The following RBFOX1 variants were observed in gnomAD, a reference collection of about 807,000 sequenced individuals.
RBFOX1 encodes RNA binding fox-1 homolog 1.
In RBFOX1, 8 loss-of-function variants were observed where a neutral mutation model predicts 57.7. That is an observed-to-expected ratio of 0.14 (90% CI 0.08 to 0.25). The LOEUF is 0.25. RBFOX1 is among the 10% of genes least tolerant of loss of function. RBFOX1 has a pLI of 1.00. For missense variants in RBFOX1, 611 were observed against 548.5 expected (o/e 1.11, Z -1.14); for synonymous variants, 326 against 222.4 (o/e 1.47, Z -4.15).
At chr16:6,837,226 C>T (rs1159442778) in intron 3 of RBFOX1, among the ~76,000 whole-genome samples, 2 of 152,106 alleles carry the variant, frequency 1.3e-5, no homozygotes, top group Non-Finnish European at 2.9e-5. Context: ...TGTGGATCTC[C>T]GTGTTTTAAC....
chr16:6,374,134 G>C lies in RBFOX1; in HGVS notation c.-64+57077G>C, dbSNP rs980860471. ...ATGCTGTATTAGTTTCTTCAACACT[G>C]AGTGTGGACTTGATTCATTGTCTCT... On this transcript the variant is annotated intron_variant, in intron 2 of 15. Coordinates refer to ENST00000550418, the MANE Select transcript of RBFOX1 (RefSeq NM_018723.4). 3.3e-5 allele frequency among the ~76,000 whole-genome samples: 5 copies of C among 152,186 alleles called. No individual in the cohort carries two copies. The South Asian group carries it at 1.0e-3, about 32-fold the overall frequency.
At chr16:5,680,573 G>C (rs958632094) in intron 3 of RBFOX1, among the ~76,000 whole-genome samples, 1 of 152,204 alleles carries the variant, frequency 6.6e-6, no homozygotes. Context: ...TCAGTAGACA[G>C]ACCTGTTGGA....
At chr16:7,069,368 A>AG (rs2056845081) in intron 4 of RBFOX1, among the ~76,000 whole-genome samples, 1 of 151,948 alleles carries the variant, frequency 6.6e-6, no homozygotes, top group Non-Finnish European at 1.5e-5. Flanking sequence ...CTCCCCAAAG[A>AG]GGCCCGGTGT....
At chr16:7,148,633 A>G (rs1158133132) in intron 4 of RBFOX1, among the ~76,000 whole-genome samples, 1 of 152,192 alleles carries the variant, frequency 6.6e-6, no homozygotes, top group East Asian at 1.9e-4. Flanking sequence ...TACTTGTGAT[A>G]AATTCCAGTT....
intron 1 of RBFOX1, among the ~76,000 whole-genome samples, chr16:6,283,114 C>T (rs1416789299): frequency 2.0e-5 from 3 of 152,128 alleles, no homozygotes; most frequent in African/African-American, 7.2e-5. Context: ...ATCACTTGAG[C>T]TCAGGAGTGG....
intron 2 of RBFOX1, among the ~76,000 whole-genome samples, chr16:6,412,309 T>C (rs1394621655): frequency 2.6e-5 from 4 of 152,184 alleles, no homozygotes; most frequent in Admixed American, 1.3e-4. Flanking sequence ...AAAGCTTTCA[T>C]GAACTCTTTC....
At position 7,711,625 on chromosome 16, in the gene RBFOX1, AG is replaced by A. The variant is rs2084015327; in HGVS notation, c.*881del. On this transcript the variant is annotated 3_prime_UTR_variant, in exon 16 of 16. Transcript: ENST00000550418. The stretch of plus-strand genomic sequence containing the variant: ...TTTTTCTTTTTTTCCAAAAAAAGAA[AG>A]TAATAAAAACTTAAATTCTTTGTAC... The A allele has an allele frequency of 6.6e-6, 1 of 152,616 alleles. No homozygotes were observed. The highest frequency in any genetic ancestry group is 1.5e-5 in the Non-Finnish European group (1 of 68,038). The allele number at this position is 152,616 out of a possible 1,614,324, so 9.5% of individuals were successfully genotyped here.
chr16:5,962,439 T>TA (rs1004047464), intron 4 of RBFOX1, among the ~76,000 whole-genome samples: 3 of 152,192 alleles, frequency 2.0e-5, no homozygotes, highest in African/African-American at 7.2e-5. Context: ...CATTTTCTGC[T>TA]AAAAAATGCC....
intron 3 of RBFOX1, among the ~76,000 whole-genome samples, chr16:7,022,725 AACG>A (rs1312402985): frequency 5.9e-5 from 9 of 152,204 alleles, no homozygotes; most frequent in Non-Finnish European, 1.3e-4. Flanking sequence ...AATGAGGAAA[AACG>A]AAGTCTTAGT....
At chr16:6,076,812 G>T (rs2095908927) in intron 1 of RBFOX1, among the ~76,000 whole-genome samples, 1 of 152,132 alleles carries the variant, frequency 6.6e-6, no homozygotes, top group South Asian at 2.1e-4. Flanking sequence ...CTTGGTAAAG[G>T]TACAAAAAGC....
At chr16:6,604,739 A>G (rs1447750453) in intron 2 of RBFOX1, among the ~76,000 whole-genome samples, 1 of 152,218 alleles carries the variant, frequency 6.6e-6, no homozygotes, top group Non-Finnish European at 1.5e-5. Context: ...AACATTCTAC[A>G]ATTCAATAGG....
chr16:6,285,193 C>T (rs764817708), intron 1 of RBFOX1, among the ~76,000 whole-genome samples: 26 of 152,008 alleles, frequency 1.7e-4, no homozygotes, highest in Non-Finnish European at 2.4e-4. Context: ...AAGGGGGTCC[C>T]GTTAATTTGC....
rs189226063 is a variant in RBFOX1 at position 5,658,703 on chromosome 16, G to T, written c.318+59742G>T. On this transcript the variant is annotated intron_variant, in intron 3 of 19. Transcript: ENST00000641259. Reference sequence around the variant, plus strand: ...CATTAATTCATGCCTTTTCATGGCTGAGTAGTATTCCATCATACATACATA... The same window carrying T: ...CATTAATTCATGCCTTTTCATGGCTTAGTAGTATTCCATCATACATACATA... Among the ~76,000 whole-genome samples, 99 of 150,652 alleles carry T rather than the reference G, an allele frequency of 6.6e-4. 1 individual carries two copies. In the East Asian group the frequency reaches 0.017, roughly 25 times the overall value.
chr16:6,574,062 C>T (rs541755880), intron 2 of RBFOX1, among the ~76,000 whole-genome samples: 1 of 152,266 alleles, frequency 6.6e-6, no homozygotes, highest in Admixed American at 6.5e-5. Flanking sequence ...ACCCTGTTCC[C>T]CTTTCAAGAA....
chr16:6,883,738 G>C, intron 3 of RBFOX1, among the ~76,000 whole-genome samples: 1 of 151,752 alleles, frequency 6.6e-6, no homozygotes, highest in East Asian at 1.9e-4. Flanking sequence ...GAGTCCAAAA[G>C]TTTTCTACAG....
chr16:5,332,487 C>G (rs1038254071), intron 1 of RBFOX1, among the ~76,000 whole-genome samples: 14 of 152,094 alleles, frequency 9.2e-5, no homozygotes, highest in Non-Finnish European at 1.9e-4. Flanking sequence ...TGGTCTTAAA[C>G]TTCTGGCCTC....
chr16:6,194,136 C>G (rs1340733110), intron 1 of RBFOX1, among the ~76,000 whole-genome samples: 3 of 152,142 alleles, frequency 2.0e-5, no homozygotes, highest in Admixed American at 6.5e-5. Flanking sequence ...TTCCCTCATC[C>G]TCTCTCAGTT....
intron 1 of RBFOX1, among the ~76,000 whole-genome samples, chr16:5,401,887 G>T (rs561496464): frequency 6.6e-6 from 1 of 151,520 alleles, no homozygotes; most frequent in South Asian, 2.1e-4. Flanking sequence ...TTCTGTCTCT[G>T]TCTCTCTTTC....
chr16:7,126,983 T>C (rs1035480964), intron 4 of RBFOX1, among the ~76,000 whole-genome samples: 1 of 140,210 alleles, frequency 7.1e-6, no homozygotes, highest in African/African-American at 2.8e-5. Flanking sequence ...CACTGCAGCC[T>C]GGGCGTGACA....
Sources: gnomAD v4.1 joint callset for allele counts (sites outside exome capture counted in the v4.1 genomes callset) on GRCh38, gnomAD v4.1.1 for gene constraint, MANE v1.5 for transcripts, NCBI Gene and HGNC (gene_info 2026-07-23, HGNC 2026-07-21) for gene names.